The following HMGXB3 variants were observed in gnomAD, a reference collection of about 807,000 sequenced individuals.
HMGXB3 encodes the protein HMG domain-containing protein 3.
A neutral mutation model predicts 121.5 loss-of-function variants in HMGXB3; 45 were observed. That is an observed-to-expected ratio of 0.37 (90% confidence interval 0.29 to 0.47). The LOEUF (loss-of-function observed/expected upper bound fraction) is 0.47. Among genes scored for constraint, HMGXB3 ranks in the 20% least tolerant of loss-of-function variants. HMGXB3 has a pLI of 0.99. For missense variants in HMGXB3, 1,376 were observed against 1,602.2 expected (o/e 0.86, Z 2.41); for synonymous variants, 590 against 624.1 (o/e 0.95, Z 0.81).
intron 6 of HMGXB3, 131 bp downstream of exon 6, chr5:150,018,828 A>G (rs1401806943): frequency 5.9e-6 from 5 of 844,202 alleles, no homozygotes; most frequent in Admixed American, 3.3e-5. Flanking sequence ...AATCATTTCC[A>G]TTGTATATAG....
Position 150,004,903 on chromosome 5 carries a change from T to C in HMGXB3, c.51T>C (p.Ile17=). The part of the protein sequence containing the change: ...GTEVTVVMEE[I]EEAYCYTSPG... ...AGGTAACTGTCGTGATGGAGGAAAT[T>C]GAGGAAGCCTATTGTTACACCTCTC... Residue 17 remains isoleucine, a synonymous_variant, in exon 2 of 20, where the codon ATT becomes ATC. Coordinates refer to ENST00000502717, the MANE Select transcript of HMGXB3 (RefSeq NM_014983.3). 2.6e-6 allele frequency: 4 copies of C among 1,551,740 alleles called. No individual in the cohort carries two copies. The highest frequency in any genetic ancestry group is 3.5e-6 in the Non-Finnish European group (4 of 1,146,974).
intron 18 of HMGXB3, 148 bp from the exon 19 acceptor site, chr5:150,050,101 GAGC>G: frequency 3.0e-6 from 2 of 675,256 alleles, no homozygotes; most frequent in Admixed American, 4.5e-5. Flanking sequence ...AGTAGGAAGG[GAGC>G]AGCATGCCAT....
At chr5:150,013,410 T>C (rs1755888290) in intron 5 of HMGXB3, among the ~76,000 whole-genome samples, 2 of 152,208 alleles carry the variant, frequency 1.3e-5, no homozygotes, top group Admixed American at 1.3e-4. Context: ...CACCCTTGTA[T>C]TCCTGGGACA....
rs939002852 is a variant in HMGXB3, at chr5:150,019,514, T to C, written c.1041+817T>C. Among the ~76,000 whole-genome samples, 6 of 152,224 alleles carry C rather than the reference T, an allele frequency of 3.9e-5. No individual in the cohort carries two copies. In the East Asian group the frequency reaches 5.8e-4, roughly 15 times the overall value. On this transcript the variant is annotated intron_variant, in intron 6 of 19. Transcript: ENST00000502717. The stretch of plus-strand genomic sequence containing the variant: ...CTTGGTGCGAACTAGATAAAACATA[T>C]ATACTTGCCACATTTTTTATATGAA...
intron 16 of HMGXB3, 108 bp from the exon 17 acceptor site, chr5:150,047,516 A>T (rs916002983): frequency 3.8e-5 from 50 of 1,304,986 alleles, no homozygotes; most frequent in Non-Finnish European, 5.0e-5. Context: ...GCACTGGGGG[A>T]GGGCTTGGTG....
rs74747442 is a variant in HMGXB3 at position 150,032,884 on chromosome 5, A to G, written c.1983+281A>G. On this transcript the variant is annotated intron_variant, in intron 11 of 19. Coordinates refer to ENST00000502717, the MANE Select transcript of HMGXB3 (RefSeq NM_014983.3). Reference sequence around the variant, plus strand: ...TAGCACAGGCCTTAAGTAGGAGTGAAAGGAGAGGGACGAAAGGGTTGCATC... The same window carrying G: ...TAGCACAGGCCTTAAGTAGGAGTGAGAGGAGAGGGACGAAAGGGTTGCATC... 0.094 allele frequency among the ~76,000 whole-genome samples: 14,285 copies of G among 152,144 alleles called. 2,211 individuals are homozygous for G. Among genetic ancestry groups the G allele is most frequent in the African/African-American group, 0.32 (13,340 of 41,448 alleles).
At position 150,012,315 on chromosome 5, in the gene HMGXB3, G is replaced by C. The variant is rs1167945394; in HGVS notation, c.871G>C (p.Ala291Pro). The C allele has an allele frequency of 1.3e-6, 2 of 1,552,280 alleles. No homozygotes were observed. Among genetic ancestry groups the C allele is most frequent in the East Asian group, 2.4e-5 (1 of 40,916 alleles). ...ACAGTTCATCATGTTGCCTCTGCCT[G>C]CCTACTCGGTTGTGGAGAACCCCAC... is the stretch of plus-strand genomic sequence containing the variant. ...ATQFIMLPLP[A>P]YSVVENPTSI... Residue 291 changes from alanine to proline, a missense_variant, in exon 5 of 20, where the codon GCC becomes CCC. Physicochemically the swap from Ala to Pro is conservative, Grantham distance 27 (BLOSUM62 -1). Transcript: ENST00000502717.
chr5:150,040,755 T>C lies in HMGXB3; in HGVS notation c.2421T>C (p.Phe807=). The C allele has an allele frequency of 6.4e-7, 1 of 1,551,412 alleles. No individual in the cohort carries two copies. Among genetic ancestry groups the C allele is most frequent in the Non-Finnish European group, 8.7e-7 (1 of 1,146,892 alleles). ...HSFIDIYTGL[F]NVGNKLLVSL... is the part of the protein sequence containing the mutation. ...CCTCTTCTTAACCTGCAGGTCTCTT[T>C]AATGTGGGGAACAAGCTGCTGGTAA... The change falls in exon 14 of 20, where the codon TTT becomes TTC. Residue 807 remains phenylalanine (F), a synonymous_variant. Coordinates refer to ENST00000502717, the MANE Select transcript of HMGXB3 (RefSeq NM_014983.3).
Position 150,047,246 on chromosome 5 carries a change from G to C in HMGXB3, c.2951-378G>C, listed in dbSNP as rs184561127. Among the ~76,000 whole-genome samples, 5 of 152,244 alleles carry C rather than the reference G, an allele frequency of 3.3e-5. No homozygotes were observed. In the East Asian group the frequency reaches 9.7e-4, roughly 29 times the overall value. On this transcript the variant is annotated intron_variant, in intron 16 of 19. Transcript: ENST00000502717. ...CCACATAGTTCTCTTGTGCTAGCCAGGTTCAGGAACGTTGTGTAGAGGGCA... is the reference window on the plus strand; with the variant it reads ...CCACATAGTTCTCTTGTGCTAGCCACGTTCAGGAACGTTGTGTAGAGGGCA...
At chr5:150,017,151 C>G in intron 5 of HMGXB3, among the ~76,000 whole-genome samples, 1 of 152,250 alleles carries the variant, frequency 6.6e-6, no homozygotes, top group Middle Eastern at 3.4e-3. Context: ...AGGACTGAAA[C>G]GTCATCCTTG....
At chr5:150,028,809 G>A (rs180968489) in intron 9 of HMGXB3, among the ~76,000 whole-genome samples, 17 of 151,604 alleles carry the variant, frequency 1.1e-4, no homozygotes, top group African/African-American at 3.4e-4. Context: ...GGCCTTAAGC[G>A]ATCCTCTTCC....
intron 15 of HMGXB3, 82 bp from the exon 16 acceptor site, chr5:150,045,384 G>T (rs1308492696): frequency 3.4e-6 from 4 of 1,174,534 alleles, no homozygotes; most frequent in Non-Finnish European, 4.9e-6. Flanking sequence ...GCTTCCCTGT[G>T]TGTATAATGA....
chr5:150,036,892 C>G lies in HMGXB3; in HGVS notation c.2240C>G (p.Thr747Arg), dbSNP rs1460755431. 6.4e-7 allele frequency: 1 copy of G among 1,551,562 alleles called. No homozygotes were observed. The highest frequency in any genetic ancestry group is 8.7e-7 in the Non-Finnish European group (1 of 1,146,996). ...SWSNYYESPSTQCLLCSSPLF... is the reference protein window; with the variant it reads ...SWSNYYESPSRQCLLCSSPLF... ...TCGAATTATTATGAGTCTCCGTCCACGCAGTGCCTTCTCTGTAGCAGCCCA... is the reference window on the plus strand; with the variant it reads ...TCGAATTATTATGAGTCTCCGTCCAGGCAGTGCCTTCTCTGTAGCAGCCCA... Residue 747 changes from threonine to arginine, a missense_variant, in exon 12 of 20, where the codon ACG becomes AGG. Thr to Arg is a moderately conservative substitution (Grantham distance 71). This residue lies in a region of HMGXB3 where 1,116 missense variants were observed against 1,369.0 expected (regional missense o/e 0.82). Transcript: ENST00000502717.
At position 150,045,637 on chromosome 5, in the gene HMGXB3, G is replaced by A. The variant is rs1447964540; in HGVS notation, c.2902G>A (p.Val968Ile). The A allele has an allele frequency of 6.4e-7, 1 of 1,551,770 alleles. No individual in the cohort carries two copies. The highest frequency in any genetic ancestry group is 8.7e-7 in the Non-Finnish European group (1 of 1,147,024). Reference sequence around the variant, plus strand: ...CCCACCACTCATGAGAGGAGCTGTGGTCGTCAACACTGAGAAAGACAAAAA... The same window carrying A: ...CCCACCACTCATGAGAGGAGCTGTGATCGTCAACACTGAGAAAGACAAAAA... ...FFPPLMRGAVVVNTEKDKNLD... is the reference protein window; with the variant it reads ...FFPPLMRGAVIVNTEKDKNLD... Residue 968 changes from valine (V) to isoleucine (I), a missense_variant, in exon 16 of 20, where the codon GTC becomes ATC. Val to Ile is a conservative substitution (Grantham distance 29, BLOSUM62 3). Transcript: ENST00000502717.
intron 11 of HMGXB3, among the ~76,000 whole-genome samples, chr5:150,034,043 G>A (rs1756445111): frequency 2.0e-5 from 3 of 152,066 alleles, no homozygotes. Context: ...ATTAGATCTG[G>A]GCATTTTACT....
intron 3 of HMGXB3, 21 bp downstream of exon 3, chr5:150,006,668 G>A: frequency 6.5e-7 from 1 of 1,548,838 alleles, no homozygotes; most frequent in Non-Finnish European, 8.7e-7. Flanking sequence ...TTTTTTTCCA[G>A]CTATTTTTTC....
chr5:150,040,688 C>T (rs1325686052), intron 13 of HMGXB3, 60 bp from the exon 14 acceptor site: 1 of 1,510,452 alleles, frequency 6.6e-7, no homozygotes, highest in African/African-American at 1.4e-5. Flanking sequence ...GGTGTGTATT[C>T]TATTTTTTGC....
At chr5:150,005,740 T>C (rs1755686615) in intron 2 of HMGXB3, among the ~76,000 whole-genome samples, 1 of 152,200 alleles carries the variant, frequency 6.6e-6, no homozygotes, top group Admixed American at 6.5e-5. Flanking sequence ...ACTACCAGCA[T>C]TGGTCATTTT....
intron 18 of HMGXB3, among the ~76,000 whole-genome samples, chr5:150,049,587 T>C (rs1042100139): frequency 6.6e-6 from 1 of 152,218 alleles, no homozygotes; most frequent in Admixed American, 6.5e-5. Flanking sequence ...GATCAGAGCC[T>C]GCTCAGGGAA....
Sources: gnomAD v4.1 joint callset for allele counts (sites outside exome capture counted in the v4.1 genomes callset) on GRCh38, gnomAD v4.1.1 for gene constraint, gnomAD v4.1.1 regional missense constraint, MANE v1.5 for transcripts, NCBI Gene and HGNC (gene_info 2026-07-23, HGNC 2026-07-21) for gene names.